Variants in BRWD3 observed in about 807,000 individuals in gnomAD.
The protein encoded by BRWD3 is bromodomain and WD repeat domain containing 3, also known as bromodomain and WD repeat-containing protein 3.
A neutral mutation model predicts 149.7 loss-of-function variants in BRWD3; 10 were observed. The ratio of observed to expected loss-of-function variants is 0.07; its 90% CI spans 0.04 to 0.11. The LOEUF (loss-of-function observed/expected upper bound fraction) is 0.11. Ranked by LOEUF, BRWD3 falls within the 10% of genes least tolerant of loss-of-function variation. The pLI is 1.00. For missense variants in BRWD3, 940 were observed against 1,373.2 expected (o/e 0.68, Z 4.99); for synonymous variants, 504 against 456.7 (o/e 1.10, Z -1.32).
At chrX:80,750,591 G>A (rs1357614696) in intron 6 of BRWD3, among the ~76,000 whole-genome samples, 1 of 111,207 alleles carries the variant, frequency 9.0e-6, no homozygotes, top group African/African-American at 3.3e-5. Context: ...TGTTGGTAAG[G>A]ACATAGAGAA....
chrX:80,787,367 C>T (rs2074119492), intron 6 of BRWD3, among the ~76,000 whole-genome samples: 1 of 111,392 alleles, frequency 9.0e-6, no homozygotes, highest in Admixed American at 9.6e-5. Context: ...GAAGCTGATT[C>T]TAAAATTTAG....
At chrX:80,807,579 T>C (rs772707529) in intron 4 of BRWD3, among the ~76,000 whole-genome samples, 1 of 111,629 alleles carries the variant, frequency 9.0e-6, no homozygotes, top group Non-Finnish European at 1.9e-5. Flanking sequence ...CTCCTTTCAC[T>C]ACCCTCCAAT....
At chrX:80,699,825 T>C (rs937282038) in intron 25 of BRWD3, 132 bp downstream of exon 25, 6 of 509,459 alleles carry the variant, frequency 1.2e-5, no homozygotes, top group African/African-American at 7.0e-5. Flanking sequence ...TACAAGAGTA[T>C]AGATCATCAT....
At chrX:80,709,876 C>G in intron 20 of BRWD3, 1 of 588,288 alleles carries the variant, frequency 1.7e-6, no homozygotes, top group Non-Finnish European at 2.8e-6. Flanking sequence ...GCAGCAACTT[C>G]TTGATCCTCA....
chrX:80,777,150 C>CT (rs1602423866), intron 6 of BRWD3, among the ~76,000 whole-genome samples: 1 of 109,508 alleles, frequency 9.1e-6, no homozygotes, highest in African/African-American at 3.3e-5. Context: ...AAGACCCCCC[C>CT]CCACGAAAAA....
chrX:80,766,291 G>A (rs1420076006), intron 6 of BRWD3, among the ~76,000 whole-genome samples: 5 of 110,928 alleles, frequency 4.5e-5, no homozygotes, highest in Non-Finnish European at 9.4e-5. Context: ...TTTTGGACTT[G>A]GACAGGATCT....
At chrX:80,782,657 G>A (rs1218638951) in intron 6 of BRWD3, among the ~76,000 whole-genome samples, 1 of 111,612 alleles carries the variant, frequency 9.0e-6, no homozygotes, top group Non-Finnish European at 1.9e-5. Context: ...CAATACTTTT[G>A]GGAGGCAGAG....
chrX:80,755,176 T>C (rs751415918), intron 6 of BRWD3, among the ~76,000 whole-genome samples: 33 of 111,321 alleles, frequency 3.0e-4, no homozygotes, highest in Admixed American at 2.9e-4. Flanking sequence ...AGCTGTGCTG[T>C]TAGTTTACTT....
chrX:80,766,676 G>A lies in BRWD3; in HGVS notation c.431-20947C>T, dbSNP rs181496199. 6.9e-3 allele frequency among the ~76,000 whole-genome samples: 777 copies of A among 111,951 alleles called. 7 individuals are homozygous for A. The highest frequency in any genetic ancestry group is 0.023 in the African/African-American group (707 of 30,822). Reference sequence around the variant, plus strand: ...GGCCAAATAGGAACAGCTCCGGTCTGCAGCTCCCAGCGTGATCGATGCAGA... The same window carrying A: ...GGCCAAATAGGAACAGCTCCGGTCTACAGCTCCCAGCGTGATCGATGCAGA... On this transcript the variant is annotated intron_variant, in intron 6 of 40. Transcript: ENST00000373275.
intron 17 of BRWD3, among the ~76,000 whole-genome samples, chrX:80,720,518 G>A (rs1307619486): frequency 9.0e-6 from 1 of 111,464 alleles, no homozygotes; most frequent in Non-Finnish European, 1.9e-5. Flanking sequence ...TGTGTTTTAA[G>A]CTAAGTATTA....
At chrX:80,803,463 C>G (rs893126164) in intron 4 of BRWD3, among the ~76,000 whole-genome samples, 12 of 111,262 alleles carry the variant, frequency 1.1e-4, no homozygotes, top group African/African-American at 3.9e-4. Context: ...ATTGAAAGTA[C>G]GTTCCTTAGA....
At chrX:80,773,008 G>T (rs1018789400) in intron 6 of BRWD3, among the ~76,000 whole-genome samples, 3 of 112,066 alleles carry the variant, frequency 2.7e-5, no homozygotes, top group East Asian at 2.8e-4. Context: ...TCCATTGATA[G>T]AACTTTTCTT....
intron 14 of BRWD3, 143 bp downstream of exon 14, chrX:80,728,609 T>C: frequency 2.0e-6 from 1 of 495,665 alleles, no homozygotes; most frequent in East Asian, 3.7e-5. Context: ...TTTACAGATA[T>C]GTCAACAGAG....
At chrX:80,703,696 A>C in intron 23 of BRWD3, 103 bp from the exon 24 acceptor site, 3 of 576,935 alleles carry the variant, frequency 5.2e-6, no homozygotes, top group Middle Eastern at 4.9e-4. Context: ...GAAGATTAAA[A>C]ATTTCAGGTT....
At chrX:80,794,573 C>CAT (rs1320580264) in intron 4 of BRWD3, among the ~76,000 whole-genome samples, 37 of 107,767 alleles carry the variant, frequency 3.4e-4, no homozygotes, top group Admixed American at 5.0e-4. Flanking sequence ...ATATATTTTC[C>CAT]ATATATATAT....
At chrX:80,787,067 A>G (rs2074116220) in intron 6 of BRWD3, among the ~76,000 whole-genome samples, 1 of 111,619 alleles carries the variant, frequency 9.0e-6, no homozygotes, top group African/African-American at 3.2e-5. Flanking sequence ...AAACATTTCT[A>G]TCTACTAGCA....
At chrX:80,699,285 A>C (rs763200476) in intron 25 of BRWD3, among the ~76,000 whole-genome samples, 1 of 111,348 alleles carries the variant, frequency 9.0e-6, no homozygotes, top group Non-Finnish European at 1.9e-5. Flanking sequence ...GAATCATCAC[A>C]CAACTCTTCA....
At chrX:80,734,445 A>G (rs1448294002) in intron 10 of BRWD3, among the ~76,000 whole-genome samples, 2 of 111,878 alleles carry the variant, frequency 1.8e-5, no homozygotes, top group African/African-American at 6.5e-5. Flanking sequence ...GCCTATGATC[A>G]TAAACATTAA....
chrX:80,672,399 G>A lies in BRWD3; in HGVS notation c.*4210C>T, dbSNP rs1253470527. 2.6e-5 allele frequency: 2 copies of A among 77,882 alleles called. No homozygotes were observed. The highest frequency in any genetic ancestry group is 9.7e-5 in the African/African-American group (2 of 20,699). 6.4% of individuals were successfully genotyped at this position (77,882 alleles called of 1,213,427 possible). On this transcript the variant is annotated 3_prime_UTR_variant, in exon 41 of 41. Transcript: ENST00000373275. Reference sequence around the variant, plus strand: ...CGAGGTGAGGAAGGAAGGAAGGAGGGAAGGAAGAGAGGGAGGGAGGGAGGG... The same window carrying A: ...CGAGGTGAGGAAGGAAGGAAGGAGGAAAGGAAGAGAGGGAGGGAGGGAGGG...
Sources: gnomAD v4.1 joint callset for allele counts (sites outside exome capture counted in the v4.1 genomes callset) on GRCh38, gnomAD v4.1.1 for gene constraint, MANE v1.5 for transcripts, NCBI Gene and HGNC (gene_info 2026-07-23, HGNC 2026-07-21) for gene names.